Variants in BTBD9 observed in about 807,000 individuals in gnomAD.
BTBD9 encodes the protein BTB domain containing 9, also known as BTB/POZ domain-containing protein 9.
BTBD9 carries 49 observed loss-of-function variants against 64.3 expected under a neutral mutation model. The ratio of observed to expected loss-of-function variants is 0.76; its 90% CI spans 0.61 to 0.97. The LOEUF (loss-of-function observed/expected upper bound fraction) is 0.97, where lower values mean the gene tolerates loss of function less well. Ranked by LOEUF, BTBD9 falls within the 50% of genes least tolerant of loss-of-function variation. BTBD9 has a pLI of 0.00. For missense variants in BTBD9, 598 were observed against 762.1 expected, an observed-to-expected ratio of 0.78 and a Z score of 2.53; for synonymous variants, 260 against 274.7, an observed-to-expected ratio of 0.95 and a Z score of 0.53.
chr6:38,552,531 G>C (rs1582621963), intron 6 of BTBD9, among the ~76,000 whole-genome samples: 1 of 152,216 alleles, frequency 6.6e-6, no homozygotes, highest in East Asian at 1.9e-4. Context: ...TGTAATCCCA[G>C]CACTTTGGGA....
chr6:38,375,931 G>GAAAGAA (rs1554143840), intron 6 of BTBD9, among the ~76,000 whole-genome samples: 4 of 133,132 alleles, frequency 3.0e-5, no homozygotes, highest in Non-Finnish European at 4.7e-5. Flanking sequence ...AAGAAAGAAA[G>GAAAGAA]AAAGAAAGAA....
chr6:38,307,952 G>C (rs1762686483), intron 7 of BTBD9, among the ~76,000 whole-genome samples: 1 of 152,318 alleles, frequency 6.6e-6, no homozygotes, highest in Non-Finnish European at 1.5e-5. Context: ...GTGAGGTGAT[G>C]TGGCAACAGT....
intron 9 of BTBD9, among the ~76,000 whole-genome samples, chr6:38,202,660 G>A (rs761502327): frequency 6.6e-5 from 10 of 152,060 alleles, no homozygotes; most frequent in Non-Finnish European, 1.3e-4. Flanking sequence ...ACTTACACCA[G>A]GGAAAGGATA....
intron 6 of BTBD9, among the ~76,000 whole-genome samples, chr6:38,390,232 C>G (rs1766352749): frequency 6.6e-6 from 1 of 152,154 alleles, no homozygotes; most frequent in Non-Finnish European, 1.5e-5. Context: ...TCACAGGCAC[C>G]TGCCACCATG....
At chr6:38,422,669 A>G (rs1020315308) in intron 6 of BTBD9, among the ~76,000 whole-genome samples, 5 of 152,192 alleles carry the variant, frequency 3.3e-5, no homozygotes, top group Non-Finnish European at 7.3e-5. Flanking sequence ...ATAAAACTCA[A>G]GATAATCACT....
intron 6 of BTBD9, among the ~76,000 whole-genome samples, chr6:38,449,849 G>T (rs1427946442): frequency 1.3e-5 from 2 of 152,132 alleles, no homozygotes; most frequent in Non-Finnish European, 2.9e-5. Context: ...GAGGGGGAAA[G>T]CTCCATGACA....
At chr6:38,193,866 C>T (rs973571019) in intron 9 of BTBD9, 3 of 985,320 alleles carry the variant, frequency 3.0e-6, no homozygotes, top group Admixed American at 6.1e-5. Flanking sequence ...CTATGAACCT[C>T]CCACTGAGAT....
chr6:38,620,616 G>C (rs532077450), intron 1 of BTBD9, among the ~76,000 whole-genome samples: 8 of 152,198 alleles, frequency 5.3e-5, no homozygotes, highest in Middle Eastern at 3.4e-3. Context: ...GCTAATCAAG[G>C]GTACAAAGCA....
intron 6 of BTBD9, among the ~76,000 whole-genome samples, chr6:38,374,283 G>GTATATATATATACATATATATATA (rs1554143528): frequency 2.2e-5 from 1 of 45,472 alleles, no homozygotes; most frequent in Non-Finnish European, 3.4e-5. Context: ...AAAAAAAAAA[G>GTATATATATATACATATATATATA]TATATATATA....
intron 8 of BTBD9, among the ~76,000 whole-genome samples, chr6:38,280,617 T>C (rs1761473305): frequency 6.6e-6 from 1 of 152,224 alleles, no homozygotes; most frequent in African/African-American, 2.4e-5. Flanking sequence ...TTAATGTAAA[T>C]AGATGTACTG....
At chr6:38,610,184 G>A (rs183910887) in intron 1 of BTBD9, among the ~76,000 whole-genome samples, 123 of 152,260 alleles carry the variant, frequency 8.1e-4, no homozygotes, top group African/African-American at 2.7e-3. Flanking sequence ...AAAGACAAAT[G>A]CCAGCAGAAA....
intron 7 of BTBD9, among the ~76,000 whole-genome samples, chr6:38,290,165 G>A (rs920823136): frequency 6.7e-6 from 1 of 149,898 alleles, no homozygotes; most frequent in African/African-American, 2.5e-5. Context: ...AAGAAAGGAA[G>A]GGAGAGGAGG....
intron 6 of BTBD9, among the ~76,000 whole-genome samples, chr6:38,405,674 G>A (rs1369611824): frequency 6.6e-6 from 1 of 151,198 alleles, no homozygotes; most frequent in Non-Finnish European, 1.5e-5. Context: ...GTTTTGTGAT[G>A]GCAAAACCTT....
At chr6:38,464,987 G>A (rs1366618216) in intron 6 of BTBD9, among the ~76,000 whole-genome samples, 2 of 152,196 alleles carry the variant, frequency 1.3e-5, no homozygotes, top group African/African-American at 4.8e-5. Context: ...GTGTTTCTCT[G>A]TGGAAAATCT....
chr6:38,276,815 T>C (rs1417937877), intron 8 of BTBD9, among the ~76,000 whole-genome samples: 1 of 152,202 alleles, frequency 6.6e-6, no homozygotes, highest in African/African-American at 2.4e-5. Context: ...GACTTGACTT[T>C]TTCAACTCCA....
At chr6:38,506,657 T>A (rs1241343256) in intron 6 of BTBD9, among the ~76,000 whole-genome samples, 1 of 152,196 alleles carries the variant, frequency 6.6e-6, no homozygotes, top group Non-Finnish European at 1.5e-5. Context: ...CAGTCTCTTT[T>A]CTCCACCTCC....
At chr6:38,204,603 T>C (rs567929123) in intron 9 of BTBD9, among the ~76,000 whole-genome samples, 4 of 152,148 alleles carry the variant, frequency 2.6e-5, no homozygotes, top group Non-Finnish European at 5.9e-5. Flanking sequence ...TCTGGAGTAA[T>C]GAAAATGTTC....
chr6:38,175,577 G>A (rs1761198050), intron 10 of BTBD9, among the ~76,000 whole-genome samples: 1 of 146,914 alleles, frequency 6.8e-6, no homozygotes, highest in Non-Finnish European at 1.5e-5. Flanking sequence ...GGTGGTGGTG[G>A]TTCGATTCTG....
intron 7 of BTBD9, among the ~76,000 whole-genome samples, chr6:38,338,030 T>C (rs1763960340): frequency 1.3e-5 from 2 of 152,176 alleles, no homozygotes; most frequent in Admixed American, 1.3e-4. Context: ...GTAGTAAGTG[T>C]ACCGACAGCT....
Sources: allele counts gnomAD v4.1 joint callset (sites outside exome capture counted in the v4.1 genomes callset), GRCh38; gene constraint gnomAD v4.1.1; transcripts MANE v1.5; gene names NCBI Gene and HGNC (gene_info 2026-07-23, HGNC 2026-07-21).